NCAPG: variants seen among roughly 807,000 people sequenced by gnomAD.
The protein encoded by NCAPG is non-SMC condensin I complex subunit G.
A neutral mutation model predicts 113.1 loss-of-function variants in NCAPG; 69 were observed. The ratio of observed to expected loss-of-function variants is 0.61; its 90% CI spans 0.50 to 0.75. The LOEUF (loss-of-function observed/expected upper bound fraction) is 0.75, where lower values mean the gene tolerates loss of function less well. NCAPG is among the 30% of genes least tolerant of loss of function. The pLI is 0.00. For missense variants in NCAPG, 1,058 were observed against 1,177.0 expected (o/e 0.90, Z 1.48); for synonymous variants, 370 against 415.8 (o/e 0.89, Z 1.34).
Position 17,843,592 on chromosome 4 carries a change from A to G in NCAPG, c.*167A>G. 1.7e-6 allele frequency: 1 copy of G among 592,688 alleles called. No homozygotes were observed. The highest frequency in any genetic ancestry group is 2.9e-6 in the Non-Finnish European group (1 of 350,136). The allele number at this position is 592,688 out of a possible 1,614,324, so 36.7% of individuals were successfully genotyped here. ...TGTATTAAAGCAGTAGAGCAGCATC[A>G]GTTATTATAGTCCAGAAAAAGTGTG... On this transcript the variant is annotated 3_prime_UTR_variant, in exon 21 of 21. Coordinates refer to ENST00000251496, the MANE Select transcript of NCAPG (RefSeq NM_022346.5).
intron 6 of NCAPG, among the ~76,000 whole-genome samples, 192 bp downstream of exon 6, chr4:17,817,645 CA>C (rs1721269335): frequency 6.6e-6 from 1 of 152,074 alleles, no homozygotes; most frequent in Admixed American, 6.6e-5. Flanking sequence ...ATAACTTTAT[CA>C]TAGACTATCT....
chr4:17,820,463 G>T (rs1219787184), intron 7 of NCAPG, among the ~76,000 whole-genome samples: 1 of 151,944 alleles, frequency 6.6e-6, no homozygotes, highest in East Asian at 1.9e-4. Context: ...TTAGCTGGGC[G>T]TGGTGGCAGG....
In NCAPG at chr4:17,828,450, T is replaced by G. The variant is rs534364741; in HGVS notation, c.1764+62T>G. On this transcript the variant is annotated intron_variant, in intron 12 of 20. Transcript: ENST00000251496. ...CTCCTTTCTTATTTTGTAAGTGATATGTTCTTTAGAAATCAAAATAATGAA... is the reference window on the plus strand; with the variant it reads ...CTCCTTTCTTATTTTGTAAGTGATAGGTTCTTTAGAAATCAAAATAATGAA... 10 of 898,404 alleles carry G rather than the reference T, an allele frequency of 1.1e-5. No homozygotes were observed. In the South Asian group the frequency reaches 1.7e-4, roughly 15 times the overall value. The allele number at this position is 898,404 out of a possible 1,614,324, so 55.7% of individuals were successfully genotyped here.
chr4:17,842,170 G>A (rs1480180710), intron 19 of NCAPG, 140 bp from the exon 20 acceptor site: 2 of 623,470 alleles, frequency 3.2e-6, no homozygotes, highest in African/African-American at 3.7e-5. Flanking sequence ...CTGGTACCAA[G>A]ATGGCTAGAA....
At chr4:17,840,468 A>G in intron 18 of NCAPG, 139 bp from the exon 19 acceptor site, 1 of 608,194 alleles carries the variant, frequency 1.6e-6, no homozygotes, top group Non-Finnish European at 2.5e-6. Flanking sequence ...CAAATTTTCG[A>G]AAGGGTGATT....
At chr4:17,839,877 A>G (rs1722272630) in intron 17 of NCAPG, 40 bp downstream of exon 17, 1 of 1,537,570 alleles carries the variant, frequency 6.5e-7, no homozygotes, top group African/African-American at 1.4e-5. Flanking sequence ...GTTTGTGTTT[A>G]TATTTATACA....
intron 3 of NCAPG, among the ~76,000 whole-genome samples, chr4:17,813,991 A>G (rs1016304313): frequency 1.3e-5 from 2 of 152,166 alleles, no homozygotes; most frequent in Admixed American, 6.5e-5. Flanking sequence ...TTTGATAGTC[A>G]ACCTGTACTT....
At chr4:17,828,080 C>A (rs961428572) in intron 11 of NCAPG, among the ~76,000 whole-genome samples, 198 bp from the exon 12 acceptor site, 3 of 152,032 alleles carry the variant, frequency 2.0e-5, no homozygotes, top group Non-Finnish European at 4.4e-5. Flanking sequence ...GGATTACAGG[C>A]GTGAGTCGTT....
intron 14 of NCAPG, among the ~76,000 whole-genome samples, 180 bp downstream of exon 14, chr4:17,834,703 A>G (rs760105210): frequency 1.4e-4 from 22 of 152,100 alleles, no homozygotes; most frequent in Admixed American, 2.6e-4. Context: ...ACCCATCTAC[A>G]TTAGGTATTT....
chr4:17,840,357 C>A, intron 18 of NCAPG, 148 bp downstream of exon 18: 3 of 823,272 alleles, frequency 3.6e-6, no homozygotes, highest in Non-Finnish European at 3.5e-6. Context: ...TGGGAAAGAG[C>A]ATTACTGATA....
At chr4:17,816,527 GA>G (rs2109045024) in intron 5 of NCAPG, among the ~76,000 whole-genome samples, 1 of 152,348 alleles carries the variant, frequency 6.6e-6, no homozygotes, top group East Asian at 1.9e-4. Context: ...ACTTGCGTTT[GA>G]AAACATTGTC....
At position 17,812,996 on chromosome 4, in the gene NCAPG, A is replaced by G. The variant is rs1422021590; in HGVS notation, c.395A>G (p.Asn132Ser). Reference sequence around the variant, plus strand: ...AAGCTTTTGGGAAGTATGCCAGAAAATGCTCAGATTGATGATGATGTGTTT... The same window carrying G: ...AAGCTTTTGGGAAGTATGCCAGAAAGTGCTCAGATTGATGATGATGTGTTT... ...INKLLGSMPENAQIDDDVFDK... is the reference protein window; with the variant it reads ...INKLLGSMPESAQIDDDVFDK... The change falls in exon 3 of 21, where the codon AAT becomes AGT. Residue 132 changes from asparagine to serine, a missense_variant. By Grantham distance (46) the Asn-to-Ser change is conservative. Coordinates refer to ENST00000251496, the MANE Select transcript of NCAPG (RefSeq NM_022346.5). 3 of 1,613,946 alleles carry G rather than the reference A, an allele frequency of 1.9e-6. No homozygotes were observed.
Position 17,813,164 on chromosome 4 carries a change from A to G in NCAPG, c.544+19A>G, listed in dbSNP as rs764380443. On this transcript the variant is annotated intron_variant, in intron 3 of 20. Coordinates refer to ENST00000251496, the MANE Select transcript of NCAPG (RefSeq NM_022346.5). The stretch of plus-strand genomic sequence containing the variant: ...GTTAATGGTGTGTGTAGTTTCCTAA[A>G]TCTTTTTTCAGATTTGTTGATTTTG... 3 of 1,562,602 alleles carry G rather than the reference A, an allele frequency of 1.9e-6. No homozygotes were observed. The highest frequency in any genetic ancestry group is 2.6e-6 in the Non-Finnish European group (3 of 1,153,666).
rs529237825 is a variant in NCAPG, at chr4:17,842,230, A to G, written c.2855-80A>G. ...AGGATTGTTGTGTTGAAGACAAAGG[A>G]TTTAGTTAGCCTAGAAACTAGATTA... is the stretch of plus-strand genomic sequence containing the variant. On this transcript the variant is annotated intron_variant, in intron 19 of 20. Coordinates refer to ENST00000251496, the MANE Select transcript of NCAPG (RefSeq NM_022346.5). The G allele has an allele frequency of 1.7e-4, 208 of 1,213,466 alleles. No individual in the cohort carries two copies. The East Asian group carries it at 5.0e-3, about 29-fold the overall frequency. 75.2% of individuals were successfully genotyped at this position (1,213,466 alleles called of 1,614,324 possible).
chr4:17,811,226 C>T lies in NCAPG; in HGVS notation c.111+38C>T, dbSNP rs929846755. 8.4e-6 allele frequency: 11 copies of T among 1,309,420 alleles called. No homozygotes were observed. In the Admixed American group the frequency reaches 1.7e-4, roughly 21 times the overall value. The allele number at this position is 1,309,420 out of a possible 1,614,324, so 81.1% of individuals were successfully genotyped here. On this transcript the variant is annotated intron_variant, in intron 1 of 20. Coordinates refer to ENST00000251496, the MANE Select transcript of NCAPG (RefSeq NM_022346.5). This position sits in a 1 kb window ranked among gnomAD's most constrained non-coding sequence, Gnocchi z 5.3. ...GGCCCCGGCCGCCGCCTCTCGCCCGCCCCGGCCCACCCTCCCTCAGGGGCC... is the reference window on the plus strand; with the variant it reads ...GGCCCCGGCCGCCGCCTCTCGCCCGTCCCGGCCCACCCTCCCTCAGGGGCC...
In NCAPG at chr4:17,844,183, A is replaced by G. The variant is rs1303505802; in HGVS notation, c.*758A>G. 3 of 152,154 alleles carry G rather than the reference A, an allele frequency of 2.0e-5. No individual in the cohort carries two copies. Among genetic ancestry groups the G allele is most frequent in the Admixed American group, 1.3e-4 (2 of 15,234 alleles). 9.4% of individuals were successfully genotyped at this position (152,154 alleles called of 1,614,324 possible). On this transcript the variant is annotated 3_prime_UTR_variant, in exon 21 of 21. Coordinates refer to ENST00000251496, the MANE Select transcript of NCAPG (RefSeq NM_022346.5). Reference sequence around the variant, plus strand: ...CTAGTGGGAATATAATGTGACAGGAACTTCTCTTTATATACGCTACCAATT... The same window carrying G: ...CTAGTGGGAATATAATGTGACAGGAGCTTCTCTTTATATACGCTACCAATT...
chr4:17,838,520 T>C (rs550776198), intron 16 of NCAPG, among the ~76,000 whole-genome samples: 4 of 152,326 alleles, frequency 2.6e-5, no homozygotes, highest in African/African-American at 9.6e-5. Context: ...GTGGTAGGAA[T>C]GATGAGTACA....
At chr4:17,819,754 T>A (rs1174058176) in intron 7 of NCAPG, among the ~76,000 whole-genome samples, 2 of 149,572 alleles carry the variant, frequency 1.3e-5, no homozygotes, top group Non-Finnish European at 3.0e-5. Context: ...ACCTGAATTA[T>A]CTGTATGAAG....
At chr4:17,842,523 C>T (rs1722512109) in intron 20 of NCAPG, 144 bp downstream of exon 20, 1 of 647,422 alleles carries the variant, frequency 1.5e-6, no homozygotes. Flanking sequence ...GGTATATAGT[C>T]TAAAATTCCA....
Sources: allele counts gnomAD v4.1 joint callset (sites outside exome capture counted in the v4.1 genomes callset), GRCh38; gene constraint gnomAD v4.1.1; non-coding constraint Gnocchi (gnomAD v3.1); transcripts MANE v1.5; gene names NCBI Gene and HGNC (gene_info 2026-07-23, HGNC 2026-07-21).